PACRGL: variants seen among roughly 807,000 people sequenced by gnomAD.
PACRGL encodes the protein parkin coregulated like, also known as PACRG-like protein.
PACRGL carries 38 observed loss-of-function variants against 34.5 expected under a neutral mutation model. The ratio of observed to expected loss-of-function variants is 1.10; its 90% CI spans 0.85 to 1.44. PACRGL has a LOEUF of 1.44. Among genes scored for constraint, PACRGL ranks in the 40% most tolerant of loss-of-function variants. The pLI, the probability that PACRGL is intolerant of heterozygous loss-of-function variation, is 0.00. For missense variants in PACRGL, 305 were observed against 281.4 expected (o/e 1.08, Z -0.60); for synonymous variants, 128 against 100.1 (o/e 1.28, Z -1.66).
chr4:20,716,111 C>A, intron 7 of PACRGL: 3 of 1,526,292 alleles, frequency 2.0e-6, no homozygotes, highest in Non-Finnish European at 2.6e-6. Context: ...TACTAGGACC[C>A]TGTGCAGCTC....
chr4:20,761,908 A>G, the PACRGL span, among the ~76,000 whole-genome samples: 2 of 152,140 alleles, frequency 1.3e-5, no homozygotes, highest in Non-Finnish European at 2.9e-5. Context: ...TTACATCTCT[A>G]CAAACACATA....
chr4:20,729,648 A>AAATT lies in PACRGL; in HGVS notation c.*2312_*2315dup, dbSNP rs1347319067. The AAATT allele has an allele frequency of 1.3e-5, 2 of 152,196 alleles. No individual in the cohort carries two copies. Among genetic ancestry groups the AAATT allele is most frequent in the Non-Finnish European group, 2.9e-5 (2 of 68,612 alleles). The allele number at this position is 152,196 out of a possible 1,614,324, so 9.4% of individuals were successfully genotyped here. A position where few individuals can be genotyped will look rare whatever the true frequency, so the allele number is the denominator to read the frequency against. On this transcript the variant is annotated 3_prime_UTR_variant, in exon 9 of 9. Transcript: ENST00000503585. ...ATGGAATTACAGCATTCAAACATGA[A>AAATT]AATTAATTTAATTTCTGGAAATTAA...
At position 20,729,915 on chromosome 4, in the gene PACRGL, C is replaced by T. The variant is rs1444744798; in HGVS notation, c.*2574C>T. The T allele has an allele frequency of 2.8e-6, 2 of 710,360 alleles. No homozygotes were observed. Among genetic ancestry groups the T allele is most frequent in the Non-Finnish European group, 4.2e-6 (2 of 479,290 alleles). The allele number at this position is 710,360 out of a possible 1,614,324, so 44.0% of individuals were successfully genotyped here. A position where few individuals can be genotyped will look rare whatever the true frequency, so the allele number is the denominator to read the frequency against. On this transcript the variant is annotated 3_prime_UTR_variant, in exon 9 of 9. Transcript: ENST00000503585. ...TTATGAAAAGGATGCAAATTTATAA[C>T]TGAAAGCTCAAATCTTTTGGGGATT...
Position 20,724,870 on chromosome 4 carries a change from A to G in PACRGL, c.672A>G (p.Leu224=). The G allele has an allele frequency of 6.0e-6, 9 of 1,491,432 alleles. No homozygotes were observed. The South Asian group carries it at 1.1e-4, about 18-fold the overall frequency. The allele number at this position is 1,491,432 out of a possible 1,614,324, so 92.4% of individuals were successfully genotyped here. ...CAATCACCAGCGCATTACAAAAGCTAGAGCAACATGGTGGAAGTGTAAGTA... is the reference window on the plus strand; with the variant it reads ...CAATCACCAGCGCATTACAAAAGCTGGAGCAACATGGTGGAAGTGTAAGTA... ...KEPITSALQK[L]EQHGGSGSLS... is the part of the protein sequence containing the mutation. Residue 224 remains leucine (L), a synonymous_variant, in exon 8 of 9, where the codon CTA becomes CTG. Transcript: ENST00000503585.
At chr4:20,741,310 C>G (rs1429254440) in intron 8 of PACRGL, among the ~76,000 whole-genome samples, 1 of 152,160 alleles carries the variant, frequency 6.6e-6, no homozygotes, top group Non-Finnish European at 1.5e-5. Context: ...AAATTGACCA[C>G]ATAGTTGGAA....
intron 7 of PACRGL, among the ~76,000 whole-genome samples, chr4:20,721,062 C>G (rs963826388): frequency 2.0e-5 from 3 of 152,154 alleles, no homozygotes; most frequent in African/African-American, 7.2e-5. Context: ...CTTCTCGCTT[C>G]ATTTCATTCA....
At chr4:20,740,432 C>T (rs1334046403) in intron 8 of PACRGL, among the ~76,000 whole-genome samples, 1 of 151,356 alleles carries the variant, frequency 6.6e-6, no homozygotes, top group Non-Finnish European at 1.5e-5. Context: ...ATTCAACACT[C>T]TTACAGAATT....
chr4:20,724,476 A>G (rs1464984868), intron 7 of PACRGL, among the ~76,000 whole-genome samples: 2 of 152,142 alleles, frequency 1.3e-5, no homozygotes, highest in Non-Finnish European at 2.9e-5. Context: ...TTATTGCAGG[A>G]AAATGTGTGT....
At chr4:20,725,772 C>A (rs1160493815) in intron 8 of PACRGL, among the ~76,000 whole-genome samples, 2 of 151,780 alleles carry the variant, frequency 1.3e-5, no homozygotes, top group Non-Finnish European at 2.9e-5. Flanking sequence ...TGATTATATT[C>A]TTTCCATGAT....
chr4:20,718,341 G>T (rs1408380624), intron 7 of PACRGL, among the ~76,000 whole-genome samples: 9 of 152,026 alleles, frequency 5.9e-5, no homozygotes, highest in Admixed American at 1.3e-4. Flanking sequence ...CTGCCTGATT[G>T]CCCTGGCCAG....
Position 20,740,436 on chromosome 4 carries a change from C to G in PACRGL, c.*57-12129C>G, listed in dbSNP as rs141830812. On this transcript the variant is annotated intron_variant, in intron 8 of 8. Coordinates refer to the PACRGL transcript ENST00000507634. ...TGGGGGCCAATATTCAACACTCTTA[C>G]AGAATTTTCAACCCAGAATTTCATA... Among the ~76,000 whole-genome samples the G allele has an allele frequency of 1.4e-4, 21 of 149,260 alleles. No individual in the cohort carries two copies. The East Asian group carries it at 4.0e-3, about 28-fold the overall frequency.
At chr4:20,752,025 T>C (rs377238112) in intron 8 of PACRGL, among the ~76,000 whole-genome samples, 5 of 151,500 alleles carry the variant, frequency 3.3e-5, no homozygotes, top group East Asian at 1.9e-4. Context: ...ATCTACAAAA[T>C]GATAACAATA....
intron 6 of PACRGL, 87 bp downstream of exon 6, chr4:20,713,009 T>TC (rs1560319496): frequency 3.1e-6 from 4 of 1,298,080 alleles, no homozygotes; most frequent in Non-Finnish European, 4.1e-6. Flanking sequence ...TATGCCTTTT[T>TC]CCCTCCATAT....
downstream of PACRGL, among the ~76,000 whole-genome samples, chr4:20,735,077 A>G (rs1749262013): frequency 1.3e-5 from 2 of 152,174 alleles, no homozygotes; most frequent in South Asian, 4.1e-4. Context: ...TAGTTTTTTC[A>G]AAAAAATACA....
downstream of PACRGL, among the ~76,000 whole-genome samples, chr4:20,755,180 T>C (rs990703610): frequency 5.3e-5 from 8 of 152,178 alleles, no homozygotes; most frequent in Non-Finnish European, 1.0e-4. Flanking sequence ...TATATCCAAA[T>C]TCACTTAATA....
Position 20,727,468 on chromosome 4 carries a change from T to C in PACRGL, c.*127T>C, listed in dbSNP as rs1000286376. ...TCATTATTTACTAGGTTAAGATGAATAGACACTGAATCAAAGTTATTCATC... is the reference window on the plus strand; with the variant it reads ...TCATTATTTACTAGGTTAAGATGAACAGACACTGAATCAAAGTTATTCATC... On this transcript the variant is annotated 3_prime_UTR_variant, in exon 9 of 9. Transcript: ENST00000503585. 9 of 692,610 alleles carry C rather than the reference T, an allele frequency of 1.3e-5. No homozygotes were observed. The highest frequency in any genetic ancestry group is 1.9e-5 in the Non-Finnish European group (8 of 414,150). The allele number at this position is 692,610 out of a possible 1,614,324, so 42.9% of individuals were successfully genotyped here.
intron 4 of PACRGL, 148 bp from the exon 5 acceptor site, chr4:20,709,535 G>A (rs1736135686): frequency 2.0e-6 from 1 of 503,758 alleles, no homozygotes; most frequent in Non-Finnish European, 3.4e-6. Flanking sequence ...ACATTACTTT[G>A]TAAAATGTCC....
chr4:20,710,545 T>C (rs1030912568), intron 5 of PACRGL, among the ~76,000 whole-genome samples: 9 of 152,216 alleles, frequency 5.9e-5, no homozygotes, highest in African/African-American at 1.9e-4. Flanking sequence ...CTGAGTTCTT[T>C]CACTGATAGT....
chr4:20,756,538 A>G (rs1214386294), downstream of PACRGL, among the ~76,000 whole-genome samples: 3 of 152,076 alleles, frequency 2.0e-5, no homozygotes, highest in Non-Finnish European at 4.4e-5. Context: ...CAGTTTCCTC[A>G]TCACTTCACT....
Sources: gnomAD v4.1 joint callset for allele counts (sites outside exome capture counted in the v4.1 genomes callset) on GRCh38, gnomAD v4.1.1 for gene constraint, MANE v1.5 for transcripts, NCBI Gene and HGNC (gene_info 2026-07-23, HGNC 2026-07-21) for gene names.